PNLIPRP3: variants seen among roughly 807,000 people sequenced by gnomAD.
PNLIPRP3 encodes pancreatic lipase-related protein 3.
Under a neutral mutation model 52.8 loss-of-function variants are expected in PNLIPRP3, and 58 were observed. That is an observed-to-expected ratio of 1.10 (90% CI 0.89 to 1.37). PNLIPRP3 has a LOEUF of 1.37. Among genes scored for constraint, PNLIPRP3 ranks in the 40% most tolerant of loss-of-function variants. The pLI is 0.00. For synonymous variants in PNLIPRP3, 192 were observed against 185.0 expected, an observed-to-expected ratio of 1.04 and a Z score of -0.31; for missense variants, 593 against 561.6, an observed-to-expected ratio of 1.06 and a Z score of -0.57.
At chr10:116,460,644 A>G (rs549659395) in intron 5 of PNLIPRP3, among the ~76,000 whole-genome samples, 3 of 152,218 alleles carry the variant, frequency 2.0e-5, no homozygotes, top group East Asian at 1.9e-4. Flanking sequence ...TTGCCTACAA[A>G]TGTTGCTTTT....
intron 2 of PNLIPRP3, among the ~76,000 whole-genome samples, chr10:116,442,144 T>C (rs374230295): frequency 6.6e-6 from 1 of 152,236 alleles, no homozygotes; most frequent in Non-Finnish European, 1.5e-5. Context: ...TTTTTTCCAA[T>C]AGAATTGCTT....
chr10:116,464,706 G>T (rs1407518628), intron 7 of PNLIPRP3, among the ~76,000 whole-genome samples: 2 of 152,370 alleles, frequency 1.3e-5, no homozygotes, highest in African/African-American at 2.4e-5. Context: ...CCCAAAGGGG[G>T]TGTTACATAC....
intron 1 of PNLIPRP3, among the ~76,000 whole-genome samples, chr10:116,432,119 C>T (rs547498955): frequency 1.3e-5 from 2 of 152,288 alleles, no homozygotes; most frequent in East Asian, 3.9e-4. Context: ...ATTATATACT[C>T]CATGAGGGCT....
intron 5 of PNLIPRP3, among the ~76,000 whole-genome samples, chr10:116,459,090 G>C (rs1333646728): frequency 2.0e-5 from 3 of 151,976 alleles, no homozygotes; most frequent in Admixed American, 6.6e-5. Flanking sequence ...CCTTCTCTTA[G>C]CTTCTATGAT....
intron 9 of PNLIPRP3, among the ~76,000 whole-genome samples, chr10:116,470,237 C>T (rs976136360): frequency 1.3e-5 from 2 of 151,982 alleles, no homozygotes; most frequent in African/African-American, 4.8e-5. Context: ...GGTAGAGATA[C>T]GGATCTCAGC....
intron 7 of PNLIPRP3, among the ~76,000 whole-genome samples, chr10:116,461,866 A>G (rs1000674423): frequency 1.4e-4 from 21 of 152,150 alleles, no homozygotes; most frequent in African/African-American, 4.6e-4. Flanking sequence ...CCAGGCCAAC[A>G]GGGGGAAGCA....
chr10:116,462,938 A>G (rs1167128437), intron 7 of PNLIPRP3, among the ~76,000 whole-genome samples: 2 of 152,206 alleles, frequency 1.3e-5, no homozygotes, highest in African/African-American at 4.8e-5. Flanking sequence ...GAGTTTTAAG[A>G]CTTCAAGATG....
intron 4 of PNLIPRP3, among the ~76,000 whole-genome samples, chr10:116,448,310 T>C (rs923318617): frequency 6.6e-6 from 1 of 152,340 alleles, no homozygotes; most frequent in East Asian, 1.9e-4. Context: ...GTGTTGACTT[T>C]GGCGTATATG....
rs182974408 is a variant in PNLIPRP3, at chr10:116,474,277, C to T, written c.1173-2375C>T. 9.9e-5 allele frequency among the ~76,000 whole-genome samples: 15 copies of T among 152,194 alleles called. No individual in the cohort carries two copies. The East Asian group carries it at 2.7e-3, about 27-fold the overall frequency. ...ACTGAAACTGGACCTCTTGCTTACACCATATATTACAAGAATTAACTCAAG... is the reference window on the plus strand; with the variant it reads ...ACTGAAACTGGACCTCTTGCTTACATCATATATTACAAGAATTAACTCAAG... On this transcript the variant is annotated intron_variant, in intron 10 of 11. Coordinates refer to ENST00000369230, the MANE Select transcript of PNLIPRP3 (RefSeq NM_001011709.3).
chr10:116,453,646 A>G (rs112303486), intron 4 of PNLIPRP3, among the ~76,000 whole-genome samples: 2,403 of 152,162 alleles, frequency 0.016, 26 homozygotes, highest in Non-Finnish European at 0.025. Flanking sequence ...GTTAGTTCAC[A>G]CAAGATCTGA....
intron 4 of PNLIPRP3, among the ~76,000 whole-genome samples, chr10:116,447,351 C>A (rs1322080837): frequency 6.6e-6 from 1 of 152,164 alleles, no homozygotes; most frequent in Non-Finnish European, 1.5e-5. Context: ...CCACAAAGAA[C>A]AATCCATGAA....
rs1846482993 is a variant in PNLIPRP3, at chr10:116,477,111, C to T, written c.1362C>T (p.Asp454=). 1.3e-6 allele frequency: 2 copies of T among 1,597,092 alleles called. No individual in the cohort carries two copies. Among genetic ancestry groups the T allele is most frequent in the Non-Finnish European group, 1.7e-6 (2 of 1,168,402 alleles). The change falls in exon 12 of 12, where the codon GAC becomes GAT. Residue 454 remains aspartate (D), a synonymous_variant. Coordinates refer to ENST00000369230, the MANE Select transcript of PNLIPRP3 (RefSeq NM_001011709.3). ...TCAGATCTACCTTCTGTAGCCAAGACATTATGGGACCTAATATTCTCCAGA... is the reference window on the plus strand; with the variant it reads ...TCAGATCTACCTTCTGTAGCCAAGATATTATGGGACCTAATATTCTCCAGA... ...YGYKSTFCSQ[D]IMGPNILQNL...
intron 2 of PNLIPRP3, chr10:116,439,374 C>T: frequency 2.0e-6 from 1 of 505,624 alleles, no homozygotes; most frequent in Non-Finnish European, 3.6e-6. Flanking sequence ...ATGAGGGCAA[C>T]AGACACTTCT....
At chr10:116,434,521 A>G (rs1196044757) in intron 1 of PNLIPRP3, among the ~76,000 whole-genome samples, 2 of 152,148 alleles carry the variant, frequency 1.3e-5, no homozygotes, top group African/African-American at 4.8e-5. Context: ...ACCTTATAAT[A>G]TTGCTCACTG....
chr10:116,439,582 C>T (rs565306085), intron 2 of PNLIPRP3: 46 of 808,846 alleles, frequency 5.7e-5, no homozygotes, highest in South Asian at 5.4e-4. Flanking sequence ...TAGTCAGCAA[C>T]ATCCTTCTCA....
At chr10:116,445,333 G>A (rs1352138541) in intron 4 of PNLIPRP3, among the ~76,000 whole-genome samples, 1 of 152,190 alleles carries the variant, frequency 6.6e-6, no homozygotes, top group Non-Finnish European at 1.5e-5. Flanking sequence ...AATGGAGAAT[G>A]GCAGAAGCAG....
intron 1 of PNLIPRP3, 102 bp downstream of exon 1, chr10:116,428,163 A>G (rs1845663489): frequency 1.2e-6 from 1 of 831,058 alleles, no homozygotes; most frequent in Non-Finnish European, 1.9e-6. Flanking sequence ...ACTATTGCTA[A>G]TTTCATTCTT....
At chr10:116,472,357 AT>A (rs1289602852) in intron 10 of PNLIPRP3, among the ~76,000 whole-genome samples, 1 of 152,196 alleles carries the variant, frequency 6.6e-6, no homozygotes, top group African/African-American at 2.4e-5. Context: ...TTCATTTTGT[AT>A]CTTTTGCTAA....
chr10:116,463,991 AAAGAAGAAG>A (rs67444811), intron 7 of PNLIPRP3, among the ~76,000 whole-genome samples: 1 of 151,240 alleles, frequency 6.6e-6, no homozygotes, highest in African/African-American at 2.4e-5. Context: ...TAAAATAAAA[AAAGAAGAAG>A]AAGAAGAAGA....
Sources: allele counts gnomAD v4.1 joint callset (sites outside exome capture counted in the v4.1 genomes callset), GRCh38; gene constraint gnomAD v4.1.1; transcripts MANE v1.5; gene names NCBI Gene and HGNC (gene_info 2026-07-23, HGNC 2026-07-21).